PNKD: variants seen among roughly 807,000 people sequenced by gnomAD.
PNKD encodes the protein probable thioesterase PNKD.
In PNKD, 36 loss-of-function variants were observed where a neutral mutation model predicts 45.3. The observed-to-expected ratio is 0.80, with a 90% CI of 0.61 to 1.05. The LOEUF (loss-of-function observed/expected upper bound fraction) is 1.05, where lower values mean the gene tolerates loss of function less well. Among genes scored for constraint, PNKD ranks in the 50% least tolerant of loss-of-function variants. The pLI, the probability that PNKD is intolerant of heterozygous loss-of-function variation, is 0.00. For synonymous variants in PNKD, 197 were observed against 210.1 expected, an observed-to-expected ratio of 0.94 and a Z score of 0.54; for missense variants, 511 against 506.6, an observed-to-expected ratio of 1.01 and a Z score of -0.08.
intron 2 of PNKD, among the ~76,000 whole-genome samples, chr2:218,329,719 G>C (rs992785328): frequency 6.6e-6 from 1 of 152,260 alleles, no homozygotes; most frequent in Non-Finnish European, 1.5e-5. Flanking sequence ...ACGCCCCCAG[G>C]CATGCTGGCA....
Position 218,326,642 on chromosome 2 carries a change from G to A in PNKD, c.237-13141G>A, listed in dbSNP as rs931778761. Among the ~76,000 whole-genome samples, 6 of 152,098 alleles carry A rather than the reference G, an allele frequency of 3.9e-5. No homozygotes were observed. The highest frequency in any genetic ancestry group is 7.4e-5 in the Non-Finnish European group (5 of 68,012). On this transcript the variant is annotated intron_variant, in intron 2 of 9. Coordinates refer to ENST00000273077, the MANE Select transcript of PNKD (RefSeq NM_015488.5). The surrounding 1 kb of genome is among the most constrained non-coding windows in gnomAD (Gnocchi z 4.1). ...AATGTTAGCAGGTGTTCCTGATGTG[G>A]CCTGGAGTTGGGTGGGAGAGTATCT...
In PNKD at chr2:218,286,377, C is replaced by T. The variant is rs184145569; in HGVS notation, c.236+14828C>T. ...GGAACTCCAGCAACATGGAGCAAGCCCCTTGTCTGCAGACAGCTCGATTAG... is the reference window on the plus strand; with the variant it reads ...GGAACTCCAGCAACATGGAGCAAGCTCCTTGTCTGCAGACAGCTCGATTAG... On this transcript the variant is annotated intron_variant, in intron 2 of 9. Transcript: ENST00000273077. The T allele has an allele frequency of 2.0e-5, 3 of 152,064 alleles. No individual in the cohort carries two copies. In the East Asian group the frequency reaches 5.8e-4, roughly 30 times the overall value. The allele number at this position is 152,064 out of a possible 1,614,324, so 9.4% of individuals were successfully genotyped here.
chr2:218,330,986 T>C (rs867764897), intron 2 of PNKD, among the ~76,000 whole-genome samples: 1 of 152,190 alleles, frequency 6.6e-6, no homozygotes. Context: ...AAACTGAGGT[T>C]AGGGGAGTGA....
chr2:218,308,084 T>G (rs1693472739), intron 2 of PNKD, among the ~76,000 whole-genome samples: 1 of 149,918 alleles, frequency 6.7e-6, no homozygotes, highest in South Asian at 2.2e-4. Context: ...CTAATATGTT[T>G]TCATTATAGA....
intron 2 of PNKD, among the ~76,000 whole-genome samples, chr2:218,314,776 A>G (rs959613541): frequency 1.2e-4 from 18 of 150,156 alleles, no homozygotes; most frequent in Non-Finnish European, 2.2e-4. Context: ...TGGAACCTCC[A>G]CCTCCTGGGT....
chr2:218,286,814 C>G (rs1574657721), intron 2 of PNKD: 1 of 151,880 alleles, frequency 6.6e-6, no homozygotes, highest in South Asian at 2.1e-4. Flanking sequence ...GCTGACTGGT[C>G]CAGGCAGCCT....
chr2:218,331,003 G>A (rs1461397397), intron 2 of PNKD, among the ~76,000 whole-genome samples: 1 of 152,226 alleles, frequency 6.6e-6, no homozygotes, highest in Non-Finnish European at 1.5e-5. Flanking sequence ...GTGAGTTCCT[G>A]CTTCTTGCCT....
rs942539691 is a variant in PNKD at position 218,323,198 on chromosome 2, G to T, written c.237-16585G>T. On this transcript the variant is annotated intron_variant, in intron 2 of 9. Transcript: ENST00000273077. ...CAGAGCCGGCAGGCAGGTTCCCCGC[G>T]GGGGGCCGGGGCCGGGCCGTTGCCT... 4.4e-5 allele frequency: 61 copies of T among 1,387,168 alleles called. 1 individual carries two copies. The South Asian group carries it at 5.3e-4, about 12-fold the overall frequency. The allele number at this position is 1,387,168 out of a possible 1,614,324, so 85.9% of individuals were successfully genotyped here.
intron 2 of PNKD, among the ~76,000 whole-genome samples, chr2:218,293,947 A>G (rs947794894): frequency 6.6e-6 from 1 of 151,494 alleles, no homozygotes; most frequent in African/African-American, 2.4e-5. Context: ...AAAAAAAAAA[A>G]AAGACAGATT....
chr2:218,278,938 C>T (rs1691558573), intron 2 of PNKD: 1 of 1,449,380 alleles, frequency 6.9e-7, no homozygotes, highest in African/African-American at 1.4e-5. Context: ...GGGGCCCTCT[C>T]AAAAAGCATT....
Position 218,292,092 on chromosome 2 carries a change from C to A in PNKD, c.236+20543C>A, listed in dbSNP as rs566950335. Among the ~76,000 whole-genome samples the A allele has an allele frequency of 5.9e-5, 9 of 152,320 alleles. No individual in the cohort carries two copies. In the East Asian group the frequency reaches 1.7e-3, roughly 29 times the overall value. On this transcript the variant is annotated intron_variant, in intron 2 of 9. Transcript: ENST00000273077. Reference sequence around the variant, plus strand: ...CTGAGGGCCATGAAAGCCCTCATCCCACACAGCTGGCCACTCGGGCTGGCA... The same window carrying A: ...CTGAGGGCCATGAAAGCCCTCATCCAACACAGCTGGCCACTCGGGCTGGCA...
intron 2 of PNKD, chr2:218,289,936 G>GA (rs991580471): frequency 2.6e-5 from 4 of 152,176 alleles, no homozygotes; most frequent in Admixed American, 2.6e-4. Context: ...CTCTAGGAAA[G>GA]AAAGAGTAGG....
chr2:218,334,039 C>A (rs573573485), intron 2 of PNKD, among the ~76,000 whole-genome samples: 3 of 149,822 alleles, frequency 2.0e-5, no homozygotes, highest in Non-Finnish European at 4.4e-5. Context: ...TGCTTAAACC[C>A]GGGAGATGGA....
At chr2:218,279,595 C>T (rs1691651063) in intron 2 of PNKD, 1 of 512,464 alleles carries the variant, frequency 2.0e-6, no homozygotes, top group Non-Finnish European at 3.5e-6. Context: ...CTGACTTGCC[C>T]TGCCTGGCCA....
At chr2:218,278,136 G>A (rs529310091) in intron 2 of PNKD, 26 of 749,362 alleles carry the variant, frequency 3.5e-5, no homozygotes, top group South Asian at 2.1e-4. Context: ...GGTGTGGTAC[G>A]CAGGGACAAC....
intron 2 of PNKD, chr2:218,272,899 G>C: frequency 6.4e-7 from 1 of 1,563,880 alleles, no homozygotes; most frequent in Non-Finnish European, 8.7e-7. Context: ...CCCACACCAA[G>C]GAGCCAGCCA....
rs1425592202 is a variant in PNKD, at chr2:218,316,072, C to T, written c.237-23711C>T. ...AACATCAGTGGCGTGGGAAAATATACCTCGCCTCCATTGAAGTGATGCACA... is the reference window on the plus strand; with the variant it reads ...AACATCAGTGGCGTGGGAAAATATATCTCGCCTCCATTGAAGTGATGCACA... On this transcript the variant is annotated intron_variant, in intron 2 of 9. Coordinates refer to ENST00000273077, the MANE Select transcript of PNKD (RefSeq NM_015488.5). Among the ~76,000 whole-genome samples, 4 of 152,128 alleles carry T rather than the reference C, an allele frequency of 2.6e-5. No homozygotes were observed. The East Asian group carries it at 7.7e-4, about 29-fold the overall frequency.
chr2:218,334,689 A>G (rs1299839471), intron 2 of PNKD: 1 of 702,546 alleles, frequency 1.4e-6, no homozygotes. Flanking sequence ...CACAAATACC[A>G]CAGAAGTGAT....
At chr2:218,296,313 T>C (rs1314250465) in intron 2 of PNKD, among the ~76,000 whole-genome samples, 2 of 152,206 alleles carry the variant, frequency 1.3e-5, no homozygotes, top group Non-Finnish European at 2.9e-5. Context: ...AGTCCATGGC[T>C]GCAGGAAGAG....
Sources: gnomAD v4.1 joint callset for allele counts (sites outside exome capture counted in the v4.1 genomes callset) on GRCh38, gnomAD v4.1.1 for gene constraint, Gnocchi (gnomAD v3.1) non-coding constraint, MANE v1.5 for transcripts, NCBI Gene and HGNC (gene_info 2026-07-23, HGNC 2026-07-21) for gene names.